BPIFA2: variants seen among roughly 807,000 people sequenced by gnomAD.
The protein encoded by BPIFA2 is BPI fold-containing family A member 2.
BPIFA2 carries 20 observed loss-of-function variants against 25.7 expected under a neutral mutation model. That is an observed-to-expected ratio of 0.78 (90% CI 0.55 to 1.13). The LOEUF is 1.13. BPIFA2 is among the 50% of genes most tolerant of loss of function. The pLI is 0.00. For missense variants in BPIFA2, 300 were observed against 298.1 expected (o/e 1.01, Z -0.05); for synonymous variants, 126 against 124.3 (o/e 1.01, Z -0.09).
intron 7 of BPIFA2, 102 bp downstream of exon 7, chr20:33,179,769 C>A (rs2146458415): frequency 1.6e-6 from 2 of 1,220,734 alleles, no homozygotes; most frequent in Non-Finnish European, 2.4e-6. Context: ...GCAGAAGGAC[C>A]CACTGTCCTA....
chr20:33,170,804 C>A (rs1983873871), intron 2 of BPIFA2, among the ~76,000 whole-genome samples: 1 of 152,188 alleles, frequency 6.6e-6, no homozygotes, highest in South Asian at 2.1e-4. Context: ...CTTTTGGTGT[C>A]ATGAAGTCTT....
chr20:33,169,181 C>T lies in BPIFA2; in HGVS notation c.36C>T (p.Gly12=), dbSNP rs35100034. The part of the protein sequence containing the change: ...LQLWKLVLLC[G]VLTGTSESLL... ...TTTGGAAACTTGTTCTCCTGTGCGG[C>T]GTGCTCACTGGGACCTCAGAGTCTC... Residue 12 remains glycine, a synonymous_variant, in exon 2 of 9, where the codon GGC becomes GGT. Transcript: ENST00000354932. The T allele has an allele frequency of 2.3e-3, 3,669 of 1,614,058 alleles. 7 individuals are homozygous for T. Among genetic ancestry groups the T allele is most frequent in the Middle Eastern group, 3.1e-3 (19 of 6,062 alleles).
chr20:33,173,684 A>G (rs1983979467), intron 3 of BPIFA2, among the ~76,000 whole-genome samples: 1 of 152,124 alleles, frequency 6.6e-6, no homozygotes, highest in Non-Finnish European at 1.5e-5. Context: ...TTGTATATTT[A>G]GTAGACACAG....
chr20:33,168,680 A>G (rs147189553), intron 1 of BPIFA2, among the ~76,000 whole-genome samples: 1 of 152,308 alleles, frequency 6.6e-6, no homozygotes, highest in East Asian at 1.9e-4. Context: ...ACAGCCTGGT[A>G]GGAAAGGTGG....
At chr20:33,165,719 G>C (rs1243176436), upstream of BPIFA2, among the ~76,000 whole-genome samples, 1 of 152,200 alleles carries the variant, frequency 6.6e-6, no homozygotes, top group African/African-American at 2.4e-5. Flanking sequence ...AATCTTTAAT[G>C]CCTCACTGGG....
chr20:33,164,781 GA>G (rs762340322), upstream of BPIFA2, among the ~76,000 whole-genome samples: 63 of 152,160 alleles, frequency 4.1e-4, no homozygotes, highest in Non-Finnish European at 7.6e-4. Flanking sequence ...GAAGGTGAAC[GA>G]AGACAAGGTG....
At chr20:33,178,124 T>G in intron 5 of BPIFA2, 23 bp from the exon 6 acceptor site, 2 of 1,566,548 alleles carry the variant, frequency 1.3e-6, no homozygotes, top group Non-Finnish European at 1.8e-6. Flanking sequence ...GACCAGACTT[T>G]AATAGTTCCC....
chr20:33,178,326 G>T, intron 6 of BPIFA2, 98 bp downstream of exon 6: 1 of 921,738 alleles, frequency 1.1e-6, no homozygotes, highest in Admixed American at 2.7e-5. Context: ...TTTTCCTTCG[G>T]AGGTGAAAGC....
At chr20:33,178,375 A>C (rs1249384269) in intron 6 of BPIFA2, 147 bp downstream of exon 6, 5 of 597,842 alleles carry the variant, frequency 8.4e-6, no homozygotes, top group South Asian at 4.6e-5. Flanking sequence ...CTCCTCTACT[A>C]ATCAGCCTGG....
chr20:33,170,693 CACG>C (rs1399952965), intron 2 of BPIFA2, among the ~76,000 whole-genome samples: 2 of 152,216 alleles, frequency 1.3e-5, no homozygotes, highest in Non-Finnish European at 2.9e-5. Context: ...CACACCCAGT[CACG>C]ACATTTATTC....
chr20:33,164,152 T>C (rs1983654234), upstream of BPIFA2, among the ~76,000 whole-genome samples: 1 of 152,150 alleles, frequency 6.6e-6, no homozygotes, highest in Non-Finnish European at 1.5e-5. Flanking sequence ...TAAAGGGTTG[T>C]CAAAAGCATG....
chr20:33,170,130 CAGAGACAGAAATGTCT>C (rs1488246161), intron 2 of BPIFA2, among the ~76,000 whole-genome samples: 1 of 152,090 alleles, frequency 6.6e-6, no homozygotes, highest in Non-Finnish European at 1.5e-5. Context: ...AACTGAGGCC[CAGAGACAGAAATGTCT>C]AAACCAAAGT....
upstream of BPIFA2, among the ~76,000 whole-genome samples, chr20:33,164,316 G>A (rs553410269): frequency 4.0e-4 from 61 of 152,330 alleles, no homozygotes; most frequent in African/African-American, 1.4e-3. Context: ...ATTCCAGGGA[G>A]TGAGGTGAGA....
At chr20:33,179,787 T>G in intron 7 of BPIFA2, 120 bp downstream of exon 7, 3 of 1,023,202 alleles carry the variant, frequency 2.9e-6, no homozygotes. Context: ...CTAAGCAAAT[T>G]GGGAGCCATG....
chr20:33,164,496 C>G (rs1057076892), upstream of BPIFA2, among the ~76,000 whole-genome samples: 3 of 151,884 alleles, frequency 2.0e-5, no homozygotes, highest in African/African-American at 7.3e-5. Context: ...GCTGACCTCC[C>G]TCCCTCCCTT....
At chr20:33,172,118 C>T (rs6059145) in intron 2 of BPIFA2, among the ~76,000 whole-genome samples, 1 of 152,202 alleles carries the variant, frequency 6.6e-6, no homozygotes, top group South Asian at 2.1e-4. Flanking sequence ...AGCCATCATC[C>T]TCAGCAAACT....
chr20:33,174,660 C>T (rs904403465), intron 4 of BPIFA2, among the ~76,000 whole-genome samples: 3 of 152,110 alleles, frequency 2.0e-5, no homozygotes, highest in Non-Finnish European at 4.4e-5. Context: ...CCTGTAATCC[C>T]AGCAATTTGA....
At chr20:33,175,311 G>T in intron 4 of BPIFA2, 96 bp from the exon 5 acceptor site, 1 of 1,230,034 alleles carries the variant, frequency 8.1e-7, no homozygotes, top group South Asian at 1.4e-5. Context: ...ATTACACATA[G>T]ACATTCTGAC....
chr20:33,177,266 C>A (rs371080494), intron 5 of BPIFA2, among the ~76,000 whole-genome samples: 1 of 151,524 alleles, frequency 6.6e-6, no homozygotes, highest in Admixed American at 6.6e-5. Flanking sequence ...GAGGCACAAG[C>A]ATTGCTTGAA....
Sources: gnomAD v4.1 joint callset for allele counts (sites outside exome capture counted in the v4.1 genomes callset) on GRCh38, gnomAD v4.1.1 for gene constraint, MANE v1.5 for transcripts, NCBI Gene and HGNC (gene_info 2026-07-23, HGNC 2026-07-21) for gene names.